IGHMBP2: variants seen among roughly 807,000 people sequenced by gnomAD.
The protein encoded by IGHMBP2 is immunoglobulin mu DNA binding protein 2.
A neutral mutation model predicts 96.0 loss-of-function variants in IGHMBP2; 81 were observed. The ratio of observed to expected loss-of-function variants is 0.84; its 90% CI spans 0.71 to 1.01. IGHMBP2 has a LOEUF of 1.01. Ranked by LOEUF, IGHMBP2 falls within the 50% of genes least tolerant of loss-of-function variation. The pLI, the probability that IGHMBP2 is intolerant of heterozygous loss-of-function variation, is 0.00. For missense variants in IGHMBP2, 1,227 were observed against 1,306.3 expected (o/e 0.94, Z 0.94); for synonymous variants, 557 against 548.9 (o/e 1.01, Z -0.21).
intron 6 of IGHMBP2, 49 bp downstream of exon 6, chr11:68,915,072 A>G (rs1858598309): frequency 6.8e-7 from 1 of 1,471,880 alleles, no homozygotes; most frequent in Non-Finnish European, 9.5e-7. Context: ...TCTGATCTGC[A>G]GTCTTTTTAA....
intron 8 of IGHMBP2, chr11:68,932,697 T>C: frequency 1.2e-5 from 2 of 162,862 alleles, no homozygotes; most frequent in East Asian, 1.7e-4. Context: ...CGTTCCCTGT[T>C]ATGGCTGTGA....
At chr11:68,924,885 G>A (rs769051990) in intron 7 of IGHMBP2, among the ~76,000 whole-genome samples, 1 of 152,186 alleles carries the variant, frequency 6.6e-6, no homozygotes, top group Non-Finnish European at 1.5e-5. Flanking sequence ...CAGGCCACAT[G>A]TAGCCCAGGA....
chr11:68,908,172 C>CTAA lies in IGHMBP2; in HGVS notation c.286_288dup (p.Asn96dup). 1.9e-6 allele frequency: 3 copies of CTAA among 1,614,014 alleles called. No homozygotes were observed. Among genetic ancestry groups the CTAA allele is most frequent in the Non-Finnish European group, 2.5e-6 (3 of 1,179,998 alleles). On this transcript the variant is annotated inframe_insertion, in exon 3 of 15. Coordinates refer to ENST00000255078, the MANE Select transcript of IGHMBP2 (RefSeq NM_002180.3). ...GATATCGTGGGCCTGTACGATGCTG[C>CTAA]TAATGAGGGCAGTCAGCTGGCCACT...
chr11:68,930,205 G>A (rs1238073709), intron 8 of IGHMBP2: 3 of 1,232,604 alleles, frequency 2.4e-6, no homozygotes, highest in African/African-American at 3.1e-5. Flanking sequence ...TGTCCCTGAG[G>A]AATGAAACAC....
At chr11:68,916,757 G>C (rs932036824) in intron 6 of IGHMBP2, among the ~76,000 whole-genome samples, 10 of 152,120 alleles carry the variant, frequency 6.6e-5, no homozygotes, top group Admixed American at 4.6e-4. Context: ...CTGCTGGGAG[G>C]GGGAGGAAGG....
At chr11:68,935,570 C>G in intron 12 of IGHMBP2, 148 bp downstream of exon 12, 2 of 947,838 alleles carry the variant, frequency 2.1e-6, no homozygotes, top group Non-Finnish European at 3.3e-6. Context: ...TCACGTCAGG[C>G]AAAGCACAGG....
At chr11:68,916,585 A>G (rs1357735319) in intron 6 of IGHMBP2, among the ~76,000 whole-genome samples, 3 of 151,936 alleles carry the variant, frequency 2.0e-5, no homozygotes, top group Non-Finnish European at 4.4e-5. Flanking sequence ...CTGTGCTCAC[A>G]TCTTGTCCTG....
At chr11:68,931,565 G>A (rs187916991) in intron 8 of IGHMBP2, among the ~76,000 whole-genome samples, 190 of 152,252 alleles carry the variant, frequency 1.2e-3, no homozygotes, top group African/African-American at 3.9e-3. Flanking sequence ...CTGTAGCTGT[G>A]ACCCTGTGTC....
chr11:68,928,858 T>C (rs1026296800), intron 7 of IGHMBP2, among the ~76,000 whole-genome samples: 1 of 152,198 alleles, frequency 6.6e-6, no homozygotes, highest in Non-Finnish European at 1.5e-5. Flanking sequence ...GTTCTAAATT[T>C]AGAAAATAAT....
Position 68,938,963 on chromosome 11 carries a change from G to C in IGHMBP2, c.2785-571G>C, listed in dbSNP as rs181670646. 8.5e-5 allele frequency among the ~76,000 whole-genome samples: 13 copies of C among 152,220 alleles called. No homozygotes were observed. In the East Asian group the frequency reaches 2.5e-3, roughly 30 times the overall value. On this transcript the variant is annotated intron_variant, in intron 14 of 14. Coordinates refer to ENST00000255078, the MANE Select transcript of IGHMBP2 (RefSeq NM_002180.3). ...AGTCAGGGTGGGCTTCCTGGAGGAA[G>C]TAACACTGGAGCTGAGACCTGTGGG...
chr11:68,911,424 G>T lies in IGHMBP2; in HGVS notation c.548-16G>T, dbSNP rs1322392520. On this transcript the variant is annotated splice_polypyrimidine_tract_variant and intron_variant, in intron 4 of 14. Coordinates refer to ENST00000255078, the MANE Select transcript of IGHMBP2 (RefSeq NM_002180.3). Reference sequence around the variant, plus strand: ...CCCCAGAGCACCTGAGCCTCACGCTGCTGCTTCTTCCACAGACCCGCTGAC... The same window carrying T: ...CCCCAGAGCACCTGAGCCTCACGCTTCTGCTTCTTCCACAGACCCGCTGAC... 6.2e-7 allele frequency: 1 copy of T among 1,612,834 alleles called. No homozygotes were observed. Among genetic ancestry groups the T allele is most frequent in the South Asian group, 1.1e-5 (1 of 90,944 alleles).
At chr11:68,911,863 G>A (rs146136822) in intron 5 of IGHMBP2, among the ~76,000 whole-genome samples, 55 of 152,348 alleles carry the variant, frequency 3.6e-4, no homozygotes, top group African/African-American at 1.2e-3. Context: ...CCTTCGTGTC[G>A]GCCAGGCCCT....
intron 7 of IGHMBP2, among the ~76,000 whole-genome samples, chr11:68,920,625 G>T (rs1858842037): frequency 6.6e-6 from 1 of 152,152 alleles, no homozygotes; most frequent in East Asian, 1.9e-4. Flanking sequence ...TGGGACAACA[G>T]ACACGTGCTA....
chr11:68,936,792 GT>G lies in IGHMBP2; in HGVS notation c.2314del (p.Ser772ProfsTer11). ...IAEEHGLRHD[S>X]SGEGKRRFIT... ...GAGGAGCACGGGCTGAGGCACGACA[GT>G]TCCGGGGAAGGGAAGAGGAGGTTCA... On this transcript the variant is annotated frameshift_variant, in exon 13 of 15. Coordinates refer to ENST00000255078, the MANE Select transcript of IGHMBP2 (RefSeq NM_002180.3). LOFTEE classifies it high-confidence loss of function. 1 of 1,614,082 alleles carries G rather than the reference GT, an allele frequency of 6.2e-7. No individual in the cohort carries two copies. Among genetic ancestry groups the G allele is most frequent in the Non-Finnish European group, 8.5e-7 (1 of 1,180,046 alleles).
intron 8 of IGHMBP2, chr11:68,929,838 G>A (rs1354064747): frequency 3.2e-5 from 31 of 978,826 alleles, no homozygotes; most frequent in Non-Finnish European, 3.5e-5. Context: ...CAGTGGCCTG[G>A]CCCAGGCTGT....
chr11:68,908,572 C>G lies in IGHMBP2; in HGVS notation c.488C>G (p.Ala163Gly). Residue 163 changes from alanine (A) to glycine (G), a missense_variant, in exon 4 of 15, where the codon GCC becomes GGC. Physicochemically the swap from Ala to Gly is moderately conservative, Grantham distance 60. This residue lies in a region of IGHMBP2 where 507 missense variants were observed against 496.9 expected (regional missense o/e 1.02). Coordinates refer to ENST00000255078, the MANE Select transcript of IGHMBP2 (RefSeq NM_002180.3). Reference sequence around the variant, plus strand: ...CTAAAGAAGTATCATTCTGGCCCAGCCTCCTCACTCATAGAAGTGCTCTTT... The same window carrying G: ...CTAAAGAAGTATCATTCTGGCCCAGGCTCCTCACTCATAGAAGTGCTCTTT... ...IALKKYHSGP[A>G]SSLIEVLFGR... 6.2e-7 allele frequency: 1 copy of G among 1,614,036 alleles called. No homozygotes were observed. Among genetic ancestry groups the G allele is most frequent in the Non-Finnish European group, 8.5e-7 (1 of 1,179,900 alleles).
At chr11:68,913,809 A>G (rs1013256455) in intron 5 of IGHMBP2, among the ~76,000 whole-genome samples, 4 of 152,144 alleles carry the variant, frequency 2.6e-5, no homozygotes, top group African/African-American at 9.7e-5. Context: ...AGTCTCAGCT[A>G]CTTGGGAGGC....
In IGHMBP2 at chr11:68,936,492, C is replaced by T. The variant is rs377743886; in HGVS notation, c.2012C>T (p.Thr671Met). The T allele has an allele frequency of 4.9e-5, 79 of 1,613,664 alleles. No individual in the cohort carries two copies. The highest frequency in any genetic ancestry group is 6.0e-5 in the Non-Finnish European group (71 of 1,179,972). The change falls in exon 13 of 15, where the codon ACG (threonine) becomes ATG (methionine). Residue 671 changes from threonine to methionine, a missense_variant. Thr to Met is a moderately conservative substitution (Grantham distance 81, BLOSUM62 -1). Coordinates refer to ENST00000255078, the MANE Select transcript of IGHMBP2 (RefSeq NM_002180.3). ...GCCACCAAGCCCCAGGGACCTGCTA[C>T]GTCCACCAGGACCGGAAGCCAGCGG... ...HAATKPQGPA[T>M]STRTGSQRQE...
chr11:68,930,389 G>T, intron 8 of IGHMBP2: 3 of 1,289,810 alleles, frequency 2.3e-6, no homozygotes, highest in South Asian at 2.5e-5. Flanking sequence ...AAATCCTGTC[G>T]AGTAGAATCT....
Sources: allele counts gnomAD v4.1 joint callset (sites outside exome capture counted in the v4.1 genomes callset), GRCh38; gene constraint gnomAD v4.1.1; regional missense constraint gnomAD v4.1.1; transcripts MANE v1.5; gene names NCBI Gene and HGNC (gene_info 2026-07-23, HGNC 2026-07-21).